The following KCNQ1 variants were observed in gnomAD, a reference collection of about 807,000 sequenced individuals.
KCNQ1 encodes potassium voltage-gated channel subfamily Q member 1, also known as potassium voltage-gated channel subfamily KQT member 1.
KCNQ1 carries 49 observed loss-of-function variants against 72.4 expected under a neutral mutation model. The observed-to-expected ratio is 0.68, with a 90% CI of 0.54 to 0.86. KCNQ1 has a LOEUF of 0.86. Among genes scored for constraint, KCNQ1 ranks in the 40% least tolerant of loss-of-function variants. The probability of loss-of-function intolerance (pLI) is 0.00; values close to 1 mark genes in which losing one functional copy is unlikely to be tolerated. For synonymous variants in KCNQ1, 450 were observed against 412.6 expected (o/e 1.09, Z -1.10); for missense variants, 790 against 945.1 (o/e 0.84, Z 2.15).
At position 2,691,380 on chromosome 11, in the gene KCNQ1, G is replaced by C. The variant is rs1850585158; in HGVS notation, c.1514+29299G>C. The C allele has an allele frequency of 5.0e-6, 2 of 398,548 alleles. No homozygotes were observed. Among genetic ancestry groups the C allele is most frequent in the Non-Finnish European group, 8.8e-6 (2 of 226,094 alleles). 24.7% of individuals were successfully genotyped at this position (398,548 alleles called of 1,614,324 possible). On this transcript the variant is annotated intron_variant, in intron 11 of 15. Coordinates refer to ENST00000155840, the MANE Select transcript of KCNQ1 (RefSeq NM_000218.3). This position sits in a 1 kb window ranked among gnomAD's most constrained non-coding sequence, Gnocchi z 6.4. ...TGACATCTTGGGCTCAGGCCTCTGG[G>C]TCTGGGCATAGAAGCCCAGGAACTG...
chr11:2,777,605 G>T, intron 14 of KCNQ1: 1 of 430,200 alleles, frequency 2.3e-6, no homozygotes, highest in South Asian at 2.7e-5. Flanking sequence ...GTGTGGGCTG[G>T]TGTAACGGAG....
In KCNQ1 at chr11:2,734,335, G is replaced by T. The variant is rs550775569; in HGVS notation, c.1515-34509G>T. 4.6e-5 allele frequency among the ~76,000 whole-genome samples: 7 copies of T among 152,372 alleles called. No individual in the cohort carries two copies. In the South Asian group the frequency reaches 1.4e-3, roughly 32 times the overall value. On this transcript the variant is annotated intron_variant, in intron 11 of 15. Transcript: ENST00000155840. The surrounding 1 kb of genome is among the most constrained non-coding windows in gnomAD (Gnocchi z 7.0). ...AAGGCTGGACTTTCCGTGAGGTGGC[G>T]GGGAGCACCAAGGGTAGAGGCAGGG...
Position 2,565,094 on chromosome 11 carries a change from T to C in KCNQ1, c.478-5534T>C, listed in dbSNP as rs944253919. Among the ~76,000 whole-genome samples, 1 of 152,224 alleles carries C rather than the reference T, an allele frequency of 6.6e-6. No individual in the cohort carries two copies. Among genetic ancestry groups the C allele is most frequent in the Non-Finnish European group, 1.5e-5 (1 of 68,038 alleles). ...AAGAGACCGGGGACAGACTCCAAAG[T>C]GGAATTGCTGGGTCATACAGTAATT... On this transcript the variant is annotated intron_variant, in intron 2 of 15. Coordinates refer to ENST00000155840, the MANE Select transcript of KCNQ1 (RefSeq NM_000218.3). This position sits in a 1 kb window ranked among gnomAD's most constrained non-coding sequence, Gnocchi z 5.6.
At chr11:2,527,174 C>G (rs1176128022) in intron 1 of KCNQ1, among the ~76,000 whole-genome samples, 1 of 152,218 alleles carries the variant, frequency 6.6e-6, no homozygotes, top group Non-Finnish European at 1.5e-5. Context: ...TGTGCGCCTT[C>G]CCTTTCATGA....
Position 2,654,418 on chromosome 11 carries a change from C to A in KCNQ1, c.1394-7543C>A. 2.5e-6 allele frequency: 1 copy of A among 398,556 alleles called. No individual in the cohort carries two copies. Among genetic ancestry groups the A allele is most frequent in the Non-Finnish European group, 4.4e-6 (1 of 226,126 alleles). The allele number at this position is 398,556 out of a possible 1,614,324, so 24.7% of individuals were successfully genotyped here. A position where few individuals can be genotyped will look rare whatever the true frequency, so the allele number is the denominator to read the frequency against. ...TCGCCTGTGCCAAACCCTGGGGAGA[C>A]ATGGGTGAGGCAGAAGGCAAGGTTC... On this transcript the variant is annotated intron_variant, in intron 10 of 15. Coordinates refer to ENST00000155840, the MANE Select transcript of KCNQ1 (RefSeq NM_000218.3). The surrounding 1 kb of genome is among the most constrained non-coding windows in gnomAD (Gnocchi z 6.4).
chr11:2,558,540 C>T (rs1245848255), intron 2 of KCNQ1, among the ~76,000 whole-genome samples: 4 of 152,232 alleles, frequency 2.6e-5, no homozygotes, highest in Non-Finnish European at 5.9e-5. Context: ...GCCTCTCCCA[C>T]CCCAGGCAGG....
chr11:2,501,791 C>T (rs1480479847), intron 1 of KCNQ1, among the ~76,000 whole-genome samples: 1 of 144,440 alleles, frequency 6.9e-6, no homozygotes, highest in South Asian at 2.2e-4. Context: ...ATGCAAAAAT[C>T]CTCAACAAAA....
chr11:2,647,085 T>C lies in KCNQ1; in HGVS notation c.1394-14876T>C. The stretch of plus-strand genomic sequence containing the variant: ...TTCTAGTTCTAAGAGAGAAGGTGTT[T>C]AGCTTTTCCCCAGGTGGCTGTGGGT... On this transcript the variant is annotated intron_variant, in intron 10 of 15. Coordinates refer to ENST00000155840, the MANE Select transcript of KCNQ1 (RefSeq NM_000218.3). This position sits in a 1 kb window ranked among gnomAD's most constrained non-coding sequence, Gnocchi z 4.0. The C allele has an allele frequency of 2.5e-6, 1 of 398,588 alleles. No individual in the cohort carries two copies. Among genetic ancestry groups the C allele is most frequent in the Non-Finnish European group, 4.4e-6 (1 of 226,050 alleles). The allele number at this position is 398,588 out of a possible 1,614,324, so 24.7% of individuals were successfully genotyped here.
At chr11:2,714,019 C>G (rs1851048828) in intron 11 of KCNQ1, among the ~76,000 whole-genome samples, 1 of 151,660 alleles carries the variant, frequency 6.6e-6, no homozygotes, top group South Asian at 2.1e-4. Flanking sequence ...TTGGGGCACC[C>G]AGGCCTGCAG....
At chr11:2,835,964 A>C (rs2237895) in intron 15 of KCNQ1, among the ~76,000 whole-genome samples, 53,278 of 151,598 alleles carry the variant, frequency 0.35, 10,273 homozygotes, top group Non-Finnish European at 0.42. Context: ...CAGTGGTCCC[A>C]GGGGTCGGGG....
chr11:2,700,490 C>T (rs1467803007), intron 11 of KCNQ1, among the ~76,000 whole-genome samples: 2 of 152,092 alleles, frequency 1.3e-5, no homozygotes, highest in African/African-American at 2.4e-5. Context: ...CCGCCGGCGC[C>T]GCTGCAGCGA....
chr11:2,512,279 GGCCGC>G (rs1847222442), intron 1 of KCNQ1, among the ~76,000 whole-genome samples: 1 of 152,192 alleles, frequency 6.6e-6, no homozygotes, highest in Non-Finnish European at 1.5e-5. Flanking sequence ...GGCGGGAGAG[GGCCGC>G]AGGCTGCCCC....
rs368809412 is a variant in KCNQ1 at position 2,456,688 on chromosome 11, A to G, written c.386+11204A>G. On this transcript the variant is annotated intron_variant, in intron 1 of 15. Transcript: ENST00000155840. ...TGTAATCCCAGCACGTTGGGAGGCC[A>G]AGGTGGGCAGATCACCAGGTCAGGA... Among the ~76,000 whole-genome samples, 214 of 151,078 alleles carry G rather than the reference A, an allele frequency of 1.4e-3. 1 individual carries two copies. The highest frequency in any genetic ancestry group is 0.01 in the Middle Eastern group (3 of 294).
At chr11:2,789,007 C>T (rs934589668) in intron 15 of KCNQ1, among the ~76,000 whole-genome samples, 9 of 152,170 alleles carry the variant, frequency 5.9e-5, no homozygotes, top group Admixed American at 5.2e-4. Context: ...CTGGCATTCT[C>T]ACAGCCATCA....
rs1355870534 is a variant in KCNQ1 at position 2,654,216 on chromosome 11, T to A, written c.1394-7745T>A. 5.0e-6 allele frequency: 2 copies of A among 398,672 alleles called. No individual in the cohort carries two copies. The highest frequency in any genetic ancestry group is 4.1e-5 in the African/African-American group (2 of 48,622). The allele number at this position is 398,672 out of a possible 1,614,324, so 24.7% of individuals were successfully genotyped here. The stretch of plus-strand genomic sequence containing the variant: ...TCAGCAATGTCACGCAGGGCCTGGC[T>A]GCAGCTGTCCGGATGCCCCTGGGGA... On this transcript the variant is annotated intron_variant, in intron 10 of 15. Coordinates refer to ENST00000155840, the MANE Select transcript of KCNQ1 (RefSeq NM_000218.3). This position sits in a 1 kb window ranked among gnomAD's most constrained non-coding sequence, Gnocchi z 6.4.
At chr11:2,696,974 T>C (rs1850687641) in intron 11 of KCNQ1, 12 of 398,594 alleles carry the variant, frequency 3.0e-5, no homozygotes, top group Non-Finnish European at 4.9e-5. Context: ...CCTTAATTTT[T>C]TTTTTCCATG....
In KCNQ1 at chr11:2,626,643, C is replaced by T; in HGVS notation, c.1394-35318C>T. On this transcript the variant is annotated intron_variant, in intron 10 of 15. Coordinates refer to ENST00000155840, the MANE Select transcript of KCNQ1 (RefSeq NM_000218.3). The surrounding 1 kb of genome is among the most constrained non-coding windows in gnomAD (Gnocchi z 4.0). ...TCCCAGGCTCAAGCAATCCTCCCAC[C>T]TCGGCTTCTTGAGTAGCTGGGAATA... The T allele has an allele frequency of 1.0e-5, 4 of 398,654 alleles. No homozygotes were observed. The highest frequency in any genetic ancestry group is 1.8e-5 in the Non-Finnish European group (4 of 226,112). 24.7% of individuals were successfully genotyped at this position (398,654 alleles called of 1,614,324 possible).
At position 2,613,043 on chromosome 11, in the gene KCNQ1, G is replaced by T; in HGVS notation, c.1393+24189G>T. 2.5e-6 allele frequency: 1 copy of T among 398,544 alleles called. No individual in the cohort carries two copies. Among genetic ancestry groups the T allele is most frequent in the Non-Finnish European group, 4.4e-6 (1 of 226,078 alleles). 24.7% of individuals were successfully genotyped at this position (398,544 alleles called of 1,614,324 possible). The stretch of plus-strand genomic sequence containing the variant: ...TTGTTTTGTAAGCCTGGCTTCATTG[G>T]TGTCACCCCTGGATCAGCATAACCT... On this transcript the variant is annotated intron_variant, in intron 10 of 15. Coordinates refer to ENST00000155840, the MANE Select transcript of KCNQ1 (RefSeq NM_000218.3). This position sits in a 1 kb window ranked among gnomAD's most constrained non-coding sequence, Gnocchi z 4.8.
At chr11:2,528,162 C>G (rs994977716) in intron 2 of KCNQ1, 144 bp downstream of exon 2, 23 of 758,058 alleles carry the variant, frequency 3.0e-5, no homozygotes, top group Non-Finnish European at 5.3e-5. Context: ...ACAGGGGGCA[C>G]CTCCCCAGCC....
Sources: gnomAD v4.1 joint callset for allele counts (sites outside exome capture counted in the v4.1 genomes callset) on GRCh38, gnomAD v4.1.1 for gene constraint, Gnocchi (gnomAD v3.1) non-coding constraint, MANE v1.5 for transcripts, NCBI Gene and HGNC (gene_info 2026-07-23, HGNC 2026-07-21) for gene names.